USP34: variants seen among roughly 807,000 people sequenced by gnomAD.
USP34 encodes ubiquitin specific peptidase 34.
A neutral mutation model predicts 460.3 loss-of-function variants in USP34; 70 were observed. The ratio of observed to expected loss-of-function variants is 0.15; its 90% CI spans 0.13 to 0.19. The LOEUF (loss-of-function observed/expected upper bound fraction) is 0.19. Ranked by LOEUF, USP34 falls within the 10% of genes least tolerant of loss-of-function variation. The pLI is 1.00. For synonymous variants in USP34, 1,647 were observed against 1,405.3 expected, an observed-to-expected ratio of 1.17 and a Z score of -3.85; for missense variants, 3,985 against 4,236.2, an observed-to-expected ratio of 0.94 and a Z score of 1.65.
intron 33 of USP34, among the ~76,000 whole-genome samples, chr2:61,290,833 A>G (rs563367856): frequency 1.1e-4 from 16 of 152,170 alleles, no homozygotes; most frequent in African/African-American, 3.1e-4. Flanking sequence ...AGACCTAAAA[A>G]AGTGAGAGCT....
chr2:61,285,018 G>A (rs1164771540), intron 34 of USP34, 61 bp from the exon 35 acceptor site: 4 of 1,376,814 alleles, frequency 2.9e-6, no homozygotes, highest in Admixed American at 4.1e-5. Flanking sequence ...CCCTCAAAAA[G>A]CACTCAAGAT....
At chr2:61,329,080 GGT>G (rs1441305458) in intron 20 of USP34, among the ~76,000 whole-genome samples, 1 of 152,196 alleles carries the variant, frequency 6.6e-6, no homozygotes, top group Non-Finnish European at 1.5e-5. Context: ...GAAGTGCAGT[GGT>G]GCGAGCTCGG....
chr2:61,400,476 G>A (rs1045377961), intron 3 of USP34, among the ~76,000 whole-genome samples: 1 of 152,090 alleles, frequency 6.6e-6, no homozygotes, highest in Non-Finnish European at 1.5e-5. Context: ...AGAACTCAAT[G>A]TCTCAAAATT....
At chr2:61,300,870 A>C in intron 29 of USP34, 81 bp downstream of exon 29, 1 of 968,622 alleles carries the variant, frequency 1.0e-6, no homozygotes, top group East Asian at 2.6e-5. Context: ...ATAACGTTTT[A>C]TAAACTATAC....
chr2:61,281,026 C>G, intron 38 of USP34, 64 bp downstream of exon 38: 1 of 1,530,606 alleles, frequency 6.5e-7, no homozygotes. Context: ...TATATTACAA[C>G]GGTAAACTGA....
chr2:61,467,091 G>GT (rs1695790702), intron 1 of USP34, among the ~76,000 whole-genome samples: 1 of 151,706 alleles, frequency 6.6e-6, no homozygotes, highest in South Asian at 2.1e-4. Flanking sequence ...AGATCACACG[G>GT]TAAGGAGTTC....
Position 61,280,307 on chromosome 2 carries a change from A to G in USP34, c.5193T>C (p.Cys1731=). ...TGCATAACAACCAAAAATACTCTTT[A>G]CATCCTGGTTTTAATATTGGTTCTT... The part of the protein sequence containing the change: ...YEEEPILKPG[C]KEYFWLLCKL... The change falls in exon 39 of 80, where the codon TGT becomes TGC. Residue 1731 remains cysteine, a synonymous_variant. Transcript: ENST00000398571. 6.4e-7 allele frequency: 1 copy of G among 1,560,624 alleles called. No individual in the cohort carries two copies.
chr2:61,204,138 T>G, intron 74 of USP34, 118 bp downstream of exon 74: 6 of 1,341,988 alleles, frequency 4.5e-6, no homozygotes, highest in Non-Finnish European at 6.1e-6. Flanking sequence ...ATGAATCTAA[T>G]CTTCTTAGGA....
At position 61,256,886 on chromosome 2, in the gene USP34, A is replaced by C; in HGVS notation, c.6113T>G (p.Met2038Arg). Residue 2038 changes from methionine (M) to arginine (R), a missense_variant, in exon 47 of 80, where the codon ATG becomes AGG. Physicochemically the swap from Met to Arg is moderately conservative, Grantham distance 91 (BLOSUM62 -1). Around this residue, in one of 14 missense-constraint regions of USP34, gnomAD observed 145 missense variants for 291.6 expected, o/e 0.50. Coordinates refer to ENST00000398571, the MANE Select transcript of USP34 (RefSeq NM_014709.4). The stretch of plus-strand genomic sequence containing the variant: ...ATTATTACTCACATAAATGTTCTTC[A>C]TATCAGCCACTTGGCACCTCACAGT... ...FYTVRCQVAD[M>R]KNIYESLDEV... is the part of the protein sequence containing the mutation. The C allele has an allele frequency of 6.4e-7, 1 of 1,570,604 alleles. No individual in the cohort carries two copies. Among genetic ancestry groups the C allele is most frequent in the East Asian group, 2.3e-5 (1 of 43,256 alleles).
At chr2:61,216,097 G>A (rs1687388077) in intron 67 of USP34, among the ~76,000 whole-genome samples, 1 of 152,106 alleles carries the variant, frequency 6.6e-6, no homozygotes, top group South Asian at 2.1e-4. Context: ...ATTAATTTTA[G>A]TTTATTTTAC....
intron 5 of USP34, among the ~76,000 whole-genome samples, chr2:61,391,332 T>G (rs1693339003): frequency 6.6e-6 from 1 of 152,026 alleles, no homozygotes; most frequent in Non-Finnish European, 1.5e-5. Context: ...AGCTTTTTCT[T>G]TAAGTGAGGA....
At chr2:61,372,637 G>A (rs867834984) in intron 8 of USP34, among the ~76,000 whole-genome samples, 45 of 152,134 alleles carry the variant, frequency 3.0e-4, no homozygotes, top group Middle Eastern at 3.2e-3. Context: ...TTTGAGTCCA[G>A]GTCAGAGCTG....
intron 10 of USP34, among the ~76,000 whole-genome samples, chr2:61,356,475 G>GCGCGCACGCACACACACACACACA (rs369666693): frequency 3.1e-5 from 4 of 128,332 alleles, no homozygotes; most frequent in Admixed American, 8.5e-5. Context: ...GGGTGAAAGC[G>GCGCGCACGCACACACACACACACA]CACACACACA....
At chr2:61,437,599 C>A (rs997219146) in intron 1 of USP34, among the ~76,000 whole-genome samples, 5 of 151,730 alleles carry the variant, frequency 3.3e-5, no homozygotes, top group African/African-American at 4.8e-5. Flanking sequence ...TGGTGAAACC[C>A]CGTCTCTAAT....
At chr2:61,277,865 CTT>C in intron 41 of USP34, 1 of 282,850 alleles carries the variant, frequency 3.5e-6, no homozygotes. Context: ...GAATAAGTCT[CTT>C]GAGATCTGAT....
intron 2 of USP34, among the ~76,000 whole-genome samples, chr2:61,415,390 T>C (rs902848860): frequency 1.3e-5 from 2 of 152,158 alleles, no homozygotes; most frequent in African/African-American, 4.8e-5. Flanking sequence ...ATGCAAGATA[T>C]AAAATGAACT....
intron 27 of USP34, among the ~76,000 whole-genome samples, chr2:61,309,678 A>C (rs1690526206): frequency 6.6e-6 from 1 of 152,178 alleles, no homozygotes; most frequent in South Asian, 2.1e-4. Flanking sequence ...TTTCATCCTA[A>C]AGAAGAAATT....
chr2:61,424,747 C>G (rs1355768127), intron 1 of USP34, among the ~76,000 whole-genome samples: 1 of 151,910 alleles, frequency 6.6e-6, no homozygotes, highest in Non-Finnish European at 1.5e-5. Flanking sequence ...ATTTTATGTT[C>G]TATATTTTTT....
chr2:61,316,039 T>TAAA (rs539035606), intron 23 of USP34, among the ~76,000 whole-genome samples: 5 of 126,562 alleles, frequency 4.0e-5, no homozygotes, highest in South Asian at 5.2e-4. Flanking sequence ...GTCTCTACTT[T>TAAA]AAAAAAAAAA....
Sources: allele counts gnomAD v4.1 joint callset (sites outside exome capture counted in the v4.1 genomes callset), GRCh38; gene constraint gnomAD v4.1.1; regional missense constraint gnomAD v4.1.1; transcripts MANE v1.5; gene names NCBI Gene and HGNC (gene_info 2026-07-23, HGNC 2026-07-21).